Variants in ADGRG3 observed in about 807,000 individuals in gnomAD.
ADGRG3 encodes the protein G protein-coupled receptor 97.
A neutral mutation model predicts 54.3 loss-of-function variants in ADGRG3; 39 were observed. The ratio of observed to expected loss-of-function variants is 0.72; its 90% confidence interval spans 0.56 to 0.94. The LOEUF (loss-of-function observed/expected upper bound fraction) is 0.94. Among genes scored for constraint, ADGRG3 ranks in the 40% least tolerant of loss-of-function variants. The pLI, the probability that ADGRG3 is intolerant of heterozygous loss-of-function variation, is 0.00. For synonymous variants in ADGRG3, 312 were observed against 290.0 expected (o/e 1.08, Z -0.77); for missense variants, 654 against 694.6 (o/e 0.94, Z 0.66).
chr16:57,674,723 C>G, intron 2 of ADGRG3: 2 of 323,070 alleles, frequency 6.2e-6, no homozygotes, highest in Non-Finnish European at 1.3e-5. Flanking sequence ...GCGGCTCACA[C>G]AAGTAATCCT....
In ADGRG3 at chr16:57,676,290, C is replaced by T; in HGVS notation, c.297C>T (p.Leu99=). The T allele has an allele frequency of 1.2e-6, 2 of 1,614,154 alleles. No individual in the cohort carries two copies. The highest frequency in any genetic ancestry group is 8.5e-7 in the Non-Finnish European group (1 of 1,179,980). The change falls in exon 3 of 12, where the codon CTC becomes CTT. Residue 99 remains leucine, a synonymous_variant. Coordinates refer to ENST00000333493, the MANE Select transcript of ADGRG3 (RefSeq NM_170776.5). The part of the protein sequence containing the change: ...TPFLKALVQN[L]STNTAEDFYF... ...TCCTGAAGGCTTTGGTCCAGAACCT[C>T]AGCACCAACACTGCAGAAGACTTCT...
At chr16:57,684,646 A>C (rs1281888698) in intron 10 of ADGRG3, among the ~76,000 whole-genome samples, 163 bp downstream of exon 10, 2 of 152,242 alleles carry the variant, frequency 1.3e-5, no homozygotes, top group Admixed American at 1.3e-4. Context: ...CAGAGAAGTA[A>C]ACTGAAGCCT....
chr16:57,679,209 C>T lies in ADGRG3; in HGVS notation c.525C>T (p.Gly175=), dbSNP rs749871227. ...GPRLGLGDGS[G]VLNNRLVGLS... ...GGCTCGGCCTGGGAGATGGCAGCGG[C>T]GTGTTGAACAATCGCCTGGTGGGTT... The change falls in exon 5 of 12, where the codon GGC becomes GGT. Residue 175 remains glycine, a synonymous_variant. Coordinates refer to ENST00000333493, the MANE Select transcript of ADGRG3 (RefSeq NM_170776.5). 4.0e-5 allele frequency: 64 copies of T among 1,613,844 alleles called. No individual in the cohort carries two copies. The highest frequency in any genetic ancestry group is 9.3e-5 in the African/African-American group (7 of 74,920).
At chr16:57,685,972 CA>C in intron 11 of ADGRG3, 46 bp downstream of exon 11, 1 of 1,591,168 alleles carries the variant, frequency 6.3e-7, no homozygotes, top group Non-Finnish European at 8.6e-7. Flanking sequence ...TTGTCTGTCC[CA>C]GGAGGTATTG....
chr16:57,673,541 C>T, intron 2 of ADGRG3, 73 bp downstream of exon 2: 1 of 1,372,916 alleles, frequency 7.3e-7, no homozygotes, highest in Non-Finnish European at 1.0e-6. Context: ...GGGATGGGGC[C>T]ATCTTCCCCC....
At chr16:57,668,864 AC>A (rs2048100221) in intron 1 of ADGRG3, among the ~76,000 whole-genome samples, 1 of 151,730 alleles carries the variant, frequency 6.6e-6, no homozygotes. Flanking sequence ...CGCACATGTC[AC>A]CCCACACCGG....
Position 57,680,460 on chromosome 16 carries a change from C to A in ADGRG3, c.769-45C>A, listed in dbSNP as rs1254901657. 1.3e-5 allele frequency: 21 copies of A among 1,577,258 alleles called. No homozygotes were observed. In the African/African-American group the frequency reaches 2.7e-4, roughly 20 times the overall value. ...GCCTGGTGGTCTTTGGGTATATGGG[C>A]CTGGCCTCCAACTGACGTGGTCCCG... On this transcript the variant is annotated intron_variant, in intron 7 of 11. Coordinates refer to ENST00000333493, the MANE Select transcript of ADGRG3 (RefSeq NM_170776.5).
rs777609805 is a variant in ADGRG3, at chr16:57,680,588, C to G, written c.852C>G (p.Ala284=). The change falls in exon 8 of 12, where the codon GCC becomes GCG. Residue 284 remains alanine (A), a synonymous_variant. Coordinates refer to ENST00000333493, the MANE Select transcript of ADGRG3 (RefSeq NM_170776.5). ...AGCGVSMIFL[A]FTIILYAFLR... ...GTGGGGTCTCCATGATCTTCCTGGC[C>G]TTCACCATTATTCTTTATGCCTTTC... 3 of 1,613,384 alleles carry G rather than the reference C, an allele frequency of 1.9e-6. No homozygotes were observed. In the African/African-American group the frequency reaches 4.0e-5, roughly 22 times the overall value.
At chr16:57,680,741 C>A in intron 8 of ADGRG3, 124 bp downstream of exon 8, 1 of 675,446 alleles carries the variant, frequency 1.5e-6, no homozygotes, top group Non-Finnish European at 2.7e-6. Context: ...TTAGTGTCCT[C>A]ATCCCAAAAT....
At chr16:57,683,060 C>T (rs749992107) in intron 8 of ADGRG3, among the ~76,000 whole-genome samples, 1 of 152,208 alleles carries the variant, frequency 6.6e-6, no homozygotes, top group Non-Finnish European at 1.5e-5. Context: ...AAGGAAACCT[C>T]CAAGGGGCAT....
chr16:57,676,143 G>T, intron 2 of ADGRG3, 57 bp from the exon 3 acceptor site: 1 of 1,543,324 alleles, frequency 6.5e-7, no homozygotes, highest in Non-Finnish European at 8.9e-7. Flanking sequence ...GGAGCCTGAT[G>T]AGTGAGTAAC....
chr16:57,673,233 C>T lies in ADGRG3; in HGVS notation c.59-88C>T. On this transcript the variant is annotated intron_variant, in intron 1 of 11. Transcript: ENST00000333493. ...CTGGAATTCTAGCCCAACCACCAGACTCTGGAGCCCCAGCTCCTTTCCCTG... is the reference window on the plus strand; with the variant it reads ...CTGGAATTCTAGCCCAACCACCAGATTCTGGAGCCCCAGCTCCTTTCCCTG... The T allele has an allele frequency of 9.2e-6, 12 of 1,311,294 alleles. No homozygotes were observed. The South Asian group carries it at 1.6e-4, about 17-fold the overall frequency. 81.2% of individuals were successfully genotyped at this position (1,311,294 alleles called of 1,614,324 possible).
Position 57,684,029 on chromosome 16 carries a change from GT to G in ADGRG3, c.980del (p.Val327GlyfsTer54). The G allele has an allele frequency of 6.2e-7, 1 of 1,613,710 alleles. No individual in the cohort carries two copies. The highest frequency in any genetic ancestry group is 8.5e-7 in the Non-Finnish European group (1 of 1,179,718). On this transcript the variant is annotated frameshift_variant, in exon 9 of 12. Transcript: ENST00000333493. LOFTEE classifies it high-confidence loss of function. Reference protein sequence around the residue: ...FLLNLAFLVNVGSGSKGSDAA... With the variant: ...FLLNLAFLVNXGSGSKGSDAA... The stretch of plus-strand genomic sequence containing the variant: ...CCTGAATCTGGCCTTCTTGGTCAAT[GT>G]GGGGAGTGGCTCAAAGGGGTCTGAT...
chr16:57,674,266 G>A (rs2048217395), intron 2 of ADGRG3, among the ~76,000 whole-genome samples: 1 of 152,100 alleles, frequency 6.6e-6, no homozygotes, highest in Non-Finnish European at 1.5e-5. Context: ...GATGGATTGG[G>A]GAGATGATAC....
intron 10 of ADGRG3, 116 bp from the exon 11 acceptor site, chr16:57,685,527 A>G: frequency 1.0e-6 from 1 of 977,680 alleles, no homozygotes; most frequent in Non-Finnish European, 1.6e-6. Context: ...CCAGGGATTG[A>G]TGGGTGGAAA....
At chr16:57,673,516 G>A (rs760320640) in intron 2 of ADGRG3, 48 bp downstream of exon 2, 24 of 1,563,280 alleles carry the variant, frequency 1.5e-5, no homozygotes, top group African/African-American at 4.1e-5. Flanking sequence ...CTGCTGGGAG[G>A]AGGACTATCA....
chr16:57,688,508 A>C lies in ADGRG3; in HGVS notation c.*47A>C. On this transcript the variant is annotated 3_prime_UTR_variant, in exon 12 of 12. Coordinates refer to ENST00000333493, the MANE Select transcript of ADGRG3 (RefSeq NM_170776.5). ...GGACTCAGCTCTGGCTCTCTGTGTG[A>C]CCTTGGGCAGCTCCGTGCCTCTCTC... 1 of 1,100,134 alleles carries C rather than the reference A, an allele frequency of 9.1e-7. No homozygotes were observed. Among genetic ancestry groups the C allele is most frequent in the South Asian group, 1.2e-5 (1 of 80,928 alleles). The allele number at this position is 1,100,134 out of a possible 1,614,324, so 68.1% of individuals were successfully genotyped here.
intron 7 of ADGRG3, 64 bp downstream of exon 7, chr16:57,680,429 G>C: frequency 6.4e-7 from 1 of 1,565,812 alleles, no homozygotes; most frequent in South Asian, 1.1e-5. Flanking sequence ...CCCTGGGGAG[G>C]GGGCTGCCTG....
upstream of ADGRG3, among the ~76,000 whole-genome samples, chr16:57,666,029 C>A (rs537000770): frequency 6.6e-6 from 1 of 152,092 alleles, no homozygotes; most frequent in South Asian, 2.1e-4. Context: ...CTCTTATGCC[C>A]CCAGCTCCAA....
Sources: allele counts gnomAD v4.1 joint callset (sites outside exome capture counted in the v4.1 genomes callset), GRCh38; gene constraint gnomAD v4.1.1; transcripts MANE v1.5; gene names NCBI Gene and HGNC (gene_info 2026-07-23, HGNC 2026-07-21).